ADAMTS20: variants seen among roughly 807,000 people sequenced by gnomAD.
ADAMTS20 encodes ADAM metallopeptidase with thrombospondin type 1 motif 20.
ADAMTS20 carries 225 observed loss-of-function variants against 260.1 expected under a neutral mutation model. The ratio of observed to expected loss-of-function variants is 0.87; its 90% CI spans 0.78 to 0.97. ADAMTS20 has a LOEUF of 0.97. ADAMTS20 is among the 50% of genes least tolerant of loss of function. The probability of loss-of-function intolerance (pLI) is 0.00; values close to 1 mark genes in which losing one functional copy is unlikely to be tolerated. For synonymous variants in ADAMTS20, 802 were observed against 769.5 expected, an observed-to-expected ratio of 1.04 and a Z score of -0.70; for missense variants, 2,400 against 2,337.7, an observed-to-expected ratio of 1.03 and a Z score of -0.55.
intron 2 of ADAMTS20, among the ~76,000 whole-genome samples, chr12:43,532,485 T>C (rs1592113442): frequency 1.3e-5 from 2 of 151,532 alleles, no homozygotes; most frequent in African/African-American, 2.4e-5. Context: ...AAAAAGTGTT[T>C]AGAATAGTCT....
At chr12:43,498,703 T>C (rs574294739) in intron 4 of ADAMTS20, among the ~76,000 whole-genome samples, 1 of 152,294 alleles carries the variant, frequency 6.6e-6, no homozygotes, top group South Asian at 2.1e-4. Flanking sequence ...AAAGCGGTTT[T>C]TGAAATGGTC....
At chr12:43,514,637 T>A (rs1490573328) in intron 3 of ADAMTS20, among the ~76,000 whole-genome samples, 1 of 139,194 alleles carries the variant, frequency 7.2e-6, no homozygotes. Context: ...CCAGAAATTC[T>A]AAGTGAAGAA....
chr12:43,441,179 T>C (rs984597384), intron 16 of ADAMTS20, among the ~76,000 whole-genome samples: 1 of 152,224 alleles, frequency 6.6e-6, no homozygotes, highest in Admixed American at 6.5e-5. Flanking sequence ...CCTCTATCCC[T>C]GTTAACACAT....
chr12:43,487,988 G>C (rs952931654), intron 7 of ADAMTS20, among the ~76,000 whole-genome samples: 1 of 151,996 alleles, frequency 6.6e-6, no homozygotes, highest in African/African-American at 2.4e-5. Context: ...GTATAGTTTG[G>C]GGAATTGATT....
intron 3 of ADAMTS20, among the ~76,000 whole-genome samples, chr12:43,505,644 T>A (rs1442412794): frequency 6.6e-6 from 1 of 152,102 alleles, no homozygotes; most frequent in African/African-American, 2.4e-5. Context: ...AAAGAGAGAA[T>A]AACAAATGTT....
At chr12:43,549,145 G>T (rs1943478700) in intron 2 of ADAMTS20, among the ~76,000 whole-genome samples, 1 of 151,110 alleles carries the variant, frequency 6.6e-6, no homozygotes, top group African/African-American at 2.4e-5. Context: ...TGAGTACATT[G>T]CTAAAGAAGA....
intron 31 of ADAMTS20, 79 bp from the exon 32 acceptor site, chr12:43,377,641 T>A: frequency 8.9e-7 from 1 of 1,117,964 alleles, no homozygotes; most frequent in Non-Finnish European, 1.3e-6. Context: ...GCTTAATATA[T>A]ATTATGCTGT....
rs182491327 is a variant in ADAMTS20 at position 43,429,657 on chromosome 12, A to G, written c.3449T>C (p.Ile1150Thr). The G allele has an allele frequency of 1.1e-5, 17 of 1,600,722 alleles. No homozygotes were observed. In the Admixed American group the frequency reaches 1.2e-4, roughly 11 times the overall value. The change falls in exon 24 of 39, where the codon ATA (isoleucine) becomes ACA (threonine). Residue 1150 changes from isoleucine to threonine, a missense_variant. By Grantham distance (89) the Ile-to-Thr change is moderately conservative (BLOSUM62 -1). Transcript: ENST00000389420. Reference protein sequence around the residue: ...LETALLPTVLIKKMAQWRHGS... With the variant: ...LETALLPTVLTKKMAQWRHGS... ...ATGTCGCCATTGTGCCATCTTTTTT[A>G]TGAGAACAGTTGGTAATAAAGCGGT...
intron 7 of ADAMTS20, among the ~76,000 whole-genome samples, chr12:43,490,152 G>A (rs1942579420): frequency 5.3e-5 from 8 of 151,926 alleles, no homozygotes; most frequent in South Asian, 4.1e-4. Context: ...TGGCATATAG[G>A]TGATTACGTA....
At chr12:43,376,417 A>G in intron 33 of ADAMTS20, 87 bp from the exon 34 acceptor site, 1 of 1,450,614 alleles carries the variant, frequency 6.9e-7, no homozygotes. Flanking sequence ...TACACTCTGA[A>G]TATCTGACAC....
chr12:43,517,303 A>T (rs541916875), intron 3 of ADAMTS20, among the ~76,000 whole-genome samples: 1 of 152,210 alleles, frequency 6.6e-6, no homozygotes, highest in African/African-American at 2.4e-5. Context: ...CGAATCCAAA[A>T]GAATCAACAA....
Position 43,452,305 on chromosome 12 carries a change from G to A in ADAMTS20, c.2048C>T (p.Thr683Ile), listed in dbSNP as rs540620754. The change falls in exon 14 of 39, where the codon ACT becomes ATT. Residue 683 changes from threonine (T) to isoleucine (I), a missense_variant. By Grantham distance (89) the Thr-to-Ile change is moderately conservative. Transcript: ENST00000389420. ...CTGGCCTTGAACACAGATGTCATGAGTTTCAGTTCCACAAGGAGTACCATC... is the reference window on the plus strand; with the variant it reads ...CTGGCCTTGAACACAGATGTCATGAATTTCAGTTCCACAAGGAGTACCATC... The part of the protein sequence containing the change: ...VEDGTPCGTE[T>I]HDICVQGQCM... 4 of 1,612,766 alleles carry A rather than the reference G, an allele frequency of 2.5e-6. No homozygotes were observed. The highest frequency in any genetic ancestry group is 4.5e-5 in the East Asian group (2 of 44,856).
chr12:43,387,543 C>T (rs1940506192), intron 29 of ADAMTS20, among the ~76,000 whole-genome samples: 1 of 152,240 alleles, frequency 6.6e-6, no homozygotes, highest in Non-Finnish European at 1.5e-5. Flanking sequence ...CTGCTCTCTT[C>T]AGAGCCAGCA....
intron 19 of ADAMTS20, chr12:43,433,868 C>A: frequency 2.4e-6 from 1 of 410,340 alleles, no homozygotes; most frequent in East Asian, 7.3e-5. Flanking sequence ...TTTGATTTCT[C>A]CAAACTTCAG....
intron 29 of ADAMTS20, among the ~76,000 whole-genome samples, chr12:43,391,788 T>A (rs1299250891): frequency 6.6e-6 from 1 of 152,140 alleles, no homozygotes; most frequent in Admixed American, 6.6e-5. Context: ...AGTTTTACCC[T>A]GAAAGAAAAA....
At chr12:43,425,199 C>G (rs1258571194) in intron 28 of ADAMTS20, among the ~76,000 whole-genome samples, 1 of 151,946 alleles carries the variant, frequency 6.6e-6, no homozygotes, top group Non-Finnish European at 1.5e-5. Context: ...TAAGTGGAAG[C>G]TGAATGATGA....
At chr12:43,390,282 T>C (rs1383516325) in intron 29 of ADAMTS20, among the ~76,000 whole-genome samples, 2 of 152,242 alleles carry the variant, frequency 1.3e-5, no homozygotes, top group Non-Finnish European at 2.9e-5. Flanking sequence ...GTTGTACTGA[T>C]AAACAGCTCA....
At chr12:43,448,991 T>C (rs1565553816) in intron 14 of ADAMTS20, among the ~76,000 whole-genome samples, 1 of 152,066 alleles carries the variant, frequency 6.6e-6, no homozygotes, top group Non-Finnish European at 1.5e-5. Context: ...AAATAAAAGA[T>C]GCTGGAAAGA....
chr12:43,453,226 A>G (rs1941902355), intron 12 of ADAMTS20, among the ~76,000 whole-genome samples: 2 of 152,206 alleles, frequency 1.3e-5, no homozygotes, highest in Admixed American at 1.3e-4. Flanking sequence ...AATTTATCCT[A>G]AAATTTAAAT....
Sources: gnomAD v4.1 joint callset for allele counts (sites outside exome capture counted in the v4.1 genomes callset) on GRCh38, gnomAD v4.1.1 for gene constraint, MANE v1.5 for transcripts, NCBI Gene and HGNC (gene_info 2026-07-23, HGNC 2026-07-21) for gene names.